The following SGCZ variants were observed in gnomAD, a reference collection of about 807,000 sequenced individuals.
The protein encoded by SGCZ is zeta-sarcoglycan.
Under a neutral mutation model 41.3 loss-of-function variants are expected in SGCZ, and 40 were observed. That is an observed-to-expected ratio of 0.97 (90% CI 0.75 to 1.26). The LOEUF (loss-of-function observed/expected upper bound fraction) is 1.26. Ranked by LOEUF, SGCZ falls within the 50% of genes most tolerant of loss-of-function variation. SGCZ has a pLI of 0.00. For missense variants in SGCZ, 552 were observed against 369.8 expected, an observed-to-expected ratio of 1.49 and a Z score of -4.04; for synonymous variants, 206 against 137.5, an observed-to-expected ratio of 1.50 and a Z score of -3.49.
chr8:14,312,744 T>A (rs1801590159), intron 3 of SGCZ, among the ~76,000 whole-genome samples: 1 of 152,054 alleles, frequency 6.6e-6, no homozygotes, highest in Non-Finnish European at 1.5e-5. Flanking sequence ...CACTGATACT[T>A]CTTTAAAATT....
intron 1 of SGCZ, among the ~76,000 whole-genome samples, chr8:14,559,279 A>G (rs1236376473): frequency 2.0e-5 from 3 of 152,164 alleles, no homozygotes; most frequent in Non-Finnish European, 4.4e-5. Flanking sequence ...GAATTCAGCA[A>G]AGTTTTAGGA....
chr8:15,090,625 G>GA (rs148870341), intron 1 of SGCZ, among the ~76,000 whole-genome samples: 5,087 of 152,276 alleles, frequency 0.033, 121 homozygotes, highest in Non-Finnish European at 0.054. Context: ...AAGAGCCAGA[G>GA]AAACTGATTA....
intron 2 of SGCZ, among the ~76,000 whole-genome samples, chr8:14,443,144 C>G (rs927865067): frequency 6.6e-6 from 1 of 151,824 alleles, no homozygotes; most frequent in Admixed American, 6.6e-5. Context: ...CAAACCACTG[C>G]TCAAGGAAAT....
chr8:14,120,514 C>T (rs1802665302), intron 5 of SGCZ, among the ~76,000 whole-genome samples: 1 of 152,004 alleles, frequency 6.6e-6, no homozygotes, highest in Non-Finnish European at 1.5e-5. Context: ...CTAGAATCAC[C>T]ACTTTAATTC....
chr8:15,105,415 A>G (rs1465727064), intron 1 of SGCZ, among the ~76,000 whole-genome samples: 1 of 152,164 alleles, frequency 6.6e-6, no homozygotes, highest in Non-Finnish European at 1.5e-5. Context: ...TACAAGAAGC[A>G]TGGCTAGGGT....
At chr8:14,917,799 AT>A (rs1585377541) in intron 1 of SGCZ, among the ~76,000 whole-genome samples, 1 of 152,184 alleles carries the variant, frequency 6.6e-6, no homozygotes, top group East Asian at 1.9e-4. Context: ...CGTGTCTTCT[AT>A]TTTGTACCAT....
chr8:14,369,039 G>GTC (rs1182188496), intron 2 of SGCZ, among the ~76,000 whole-genome samples: 2 of 151,638 alleles, frequency 1.3e-5, no homozygotes, highest in South Asian at 2.1e-4. Flanking sequence ...GTGTGTGTGT[G>GTC]TGTGTGTGTG....
intron 1 of SGCZ, among the ~76,000 whole-genome samples, chr8:15,022,388 C>A (rs1260263565): frequency 6.6e-6 from 1 of 152,006 alleles, no homozygotes; most frequent in East Asian, 1.9e-4. Flanking sequence ...TCTGTCACCA[C>A]ACTGGAGTGC....
chr8:14,710,288 T>A (rs1466161908), intron 1 of SGCZ, among the ~76,000 whole-genome samples: 1 of 143,308 alleles, frequency 7.0e-6, no homozygotes, highest in Non-Finnish European at 1.5e-5. Context: ...GGGAATGGAG[T>A]GAACCCGGCA....
intron 2 of SGCZ, among the ~76,000 whole-genome samples, chr8:14,494,253 T>G (rs1801925644): frequency 6.6e-6 from 1 of 152,142 alleles, no homozygotes; most frequent in African/African-American, 2.4e-5. Context: ...AGAGCCTGTC[T>G]CTCTCAATCA....
chr8:14,478,106 G>T (rs1039199091), intron 2 of SGCZ, among the ~76,000 whole-genome samples: 9 of 152,206 alleles, frequency 5.9e-5, no homozygotes, highest in African/African-American at 2.2e-4. Flanking sequence ...AAATGAAAAT[G>T]TTACATCACT....
At position 14,104,263 on chromosome 8, in the gene SGCZ, G is replaced by C. The variant is rs139574838; in HGVS notation, c.621-1764C>G. On this transcript the variant is annotated intron_variant, in intron 6 of 7. Coordinates refer to ENST00000382080, the MANE Select transcript of SGCZ (RefSeq NM_139167.4). ...TTTGGAAAGCACTACAGCAAATATA[G>C]CAGTAAGTTTCAGACTGGCTTTCAC... 4.0e-3 allele frequency among the ~76,000 whole-genome samples: 608 copies of C among 152,212 alleles called. 3 individuals are homozygous for C. The highest frequency in any genetic ancestry group is 0.013 in the African/African-American group (540 of 41,544).
At chr8:15,049,601 T>C (rs750029445) in intron 1 of SGCZ, among the ~76,000 whole-genome samples, 1 of 152,168 alleles carries the variant, frequency 6.6e-6, no homozygotes, top group Non-Finnish European at 1.5e-5. Flanking sequence ...AGATATGTAC[T>C]GCCACCATGC....
intron 1 of SGCZ, among the ~76,000 whole-genome samples, chr8:14,579,282 T>A (rs1293653223): frequency 6.6e-6 from 1 of 152,222 alleles, no homozygotes; most frequent in Non-Finnish European, 1.5e-5. Context: ...TGTGTTTAAA[T>A]ATGTTTAAGT....
At chr8:14,979,576 G>A (rs1801594446) in intron 1 of SGCZ, among the ~76,000 whole-genome samples, 1 of 152,122 alleles carries the variant, frequency 6.6e-6, no homozygotes, top group Non-Finnish European at 1.5e-5. Flanking sequence ...AACTTTACTT[G>A]ATGTAAATAA....
rs183287667 is a variant in SGCZ, at chr8:14,127,886, G to A, written c.548-19651C>T. The stretch of plus-strand genomic sequence containing the variant: ...CACCCAGGTATTAAGCCCAGTACCC[G>A]ATAATTATCTTTTCTGCTCTGCTCC... On this transcript the variant is annotated intron_variant, in intron 5 of 7. Transcript: ENST00000382080. Among the ~76,000 whole-genome samples the A allele has an allele frequency of 5.5e-3, 844 of 152,156 alleles. 6 individuals are homozygous for A. Among genetic ancestry groups the A allele is most frequent in the African/African-American group, 0.019 (803 of 41,518 alleles).
At chr8:14,199,268 A>T (rs988992154) in intron 4 of SGCZ, among the ~76,000 whole-genome samples, 1 of 152,194 alleles carries the variant, frequency 6.6e-6, no homozygotes, top group Admixed American at 6.5e-5. Flanking sequence ...GACAGATGAA[A>T]TAAGCCCCTG....
At position 14,087,692 on chromosome 8, in the gene SGCZ, A is replaced by G. The variant is rs1006386375; in HGVS notation, c.*2751T>C. 6.7e-6 allele frequency among the ~76,000 whole-genome samples: 1 copy of G among 149,032 alleles called. No individual in the cohort carries two copies. Among genetic ancestry groups the G allele is most frequent in the African/African-American group, 2.5e-5 (1 of 39,758 alleles). The stretch of plus-strand genomic sequence containing the variant: ...AACATAATCTGTTAGGGTACTGTGC[A>G]ATTAAGGGACCACTATATTTTTAAA... On this transcript the variant is annotated 3_prime_UTR_variant, in exon 8 of 8. Coordinates refer to ENST00000382080, the MANE Select transcript of SGCZ (RefSeq NM_139167.4).
chr8:14,869,354 T>C (rs919552868), intron 1 of SGCZ, among the ~76,000 whole-genome samples: 3 of 152,136 alleles, frequency 2.0e-5, no homozygotes, highest in African/African-American at 7.2e-5. Context: ...ATTATCTCAA[T>C]AGATGCAGAA....
Sources: allele counts gnomAD v4.1 joint callset (sites outside exome capture counted in the v4.1 genomes callset), GRCh38; gene constraint gnomAD v4.1.1; transcripts MANE v1.5; gene names NCBI Gene and HGNC (gene_info 2026-07-23, HGNC 2026-07-21).